BANK1: variants seen among roughly 807,000 people sequenced by gnomAD.
BANK1 encodes B cell scaffold protein with ankyrin repeats 1, also known as B-cell scaffold protein with ankyrin repeats.
BANK1 carries 95 observed loss-of-function variants against 94.5 expected under a neutral mutation model. The ratio of observed to expected loss-of-function variants is 1.00; its 90% CI spans 0.85 to 1.19. BANK1 has a LOEUF of 1.19. Ranked by LOEUF, BANK1 falls within the 50% of genes most tolerant of loss-of-function variation. The probability of loss-of-function intolerance (pLI) is 0.00; values close to 1 mark genes in which losing one functional copy is unlikely to be tolerated. For synonymous variants in BANK1, 334 were observed against 308.4 expected (o/e 1.08, Z -0.87); for missense variants, 987 against 932.2 (o/e 1.06, Z -0.77).
chr4:101,864,400 A>G (rs901336619), intron 4 of BANK1, among the ~76,000 whole-genome samples: 1 of 152,224 alleles, frequency 6.6e-6, no homozygotes, highest in Non-Finnish European at 1.5e-5. Context: ...ATGACCCAGT[A>G]CATATGCACA....
intron 7 of BANK1, among the ~76,000 whole-genome samples, chr4:101,937,141 C>T (rs909121547): frequency 1.3e-5 from 2 of 151,700 alleles, no homozygotes; most frequent in Non-Finnish European, 3.0e-5. Context: ...GCAGTCCTGT[C>T]ATTTGCAACA....
chr4:101,909,752 T>C (rs1233790255), intron 6 of BANK1, among the ~76,000 whole-genome samples: 1 of 152,190 alleles, frequency 6.6e-6, no homozygotes, highest in Non-Finnish European at 1.5e-5. Context: ...ACAACATATA[T>C]AAAAATATCA....
chr4:101,998,110 C>T lies in BANK1; in HGVS notation c.1207-23404C>T, dbSNP rs186531359. Among the ~76,000 whole-genome samples, 272 of 152,172 alleles carry T rather than the reference C, an allele frequency of 1.8e-3. 2 individuals are homozygous for T. The highest frequency in any genetic ancestry group is 6.4e-3 in the African/African-American group (267 of 41,542). On this transcript the variant is annotated intron_variant, in intron 7 of 16. Coordinates refer to ENST00000322953, the MANE Select transcript of BANK1 (RefSeq NM_017935.5). ...TACTTGTTTCCCAGACATTTTGGTA[C>T]ATTGTTTCTTTGTTCCCATTGGTTT...
chr4:102,055,426 T>C (rs1325314714), intron 11 of BANK1, among the ~76,000 whole-genome samples: 1 of 151,998 alleles, frequency 6.6e-6, no homozygotes, highest in Non-Finnish European at 1.5e-5. Context: ...GTGTTAGGGA[T>C]AGAAACAAGA....
intron 7 of BANK1, among the ~76,000 whole-genome samples, chr4:101,921,763 T>C (rs1323498700): frequency 1.3e-5 from 2 of 151,946 alleles, no homozygotes; most frequent in African/African-American, 4.8e-5. Context: ...ACTTGTAGTT[T>C]GGTTTAAATA....
At chr4:101,826,610 T>G (rs1252064772) in intron 1 of BANK1, among the ~76,000 whole-genome samples, 5 of 151,972 alleles carry the variant, frequency 3.3e-5, no homozygotes, top group African/African-American at 1.2e-4. Context: ...AATACTGAAT[T>G]ATGGCATAAT....
At chr4:101,847,925 C>T (rs1727317595) in intron 2 of BANK1, among the ~76,000 whole-genome samples, 1 of 152,142 alleles carries the variant, frequency 6.6e-6, no homozygotes, top group African/African-American at 2.4e-5. Context: ...TAGAGAATTC[C>T]TTCTCCCTGT....
intron 6 of BANK1, 95 bp downstream of exon 6, chr4:101,895,505 G>T: frequency 1.4e-6 from 1 of 709,806 alleles, no homozygotes; most frequent in Non-Finnish European, 2.4e-6. Context: ...ATAGGTAGCT[G>T]CACTGCTGAT....
rs145442412 is a variant in BANK1, at chr4:101,840,785, CTG to C, written c.469+10589_469+10590del. 5.2e-3 allele frequency among the ~76,000 whole-genome samples: 798 copies of C among 152,282 alleles called. 15 individuals are homozygous for C. The East Asian group carries it at 0.061, about 12-fold the overall frequency. Reference sequence around the variant, plus strand: ...TTTCCCACTTCACACCTCTGTATTTCTGTGTGTGTGTCTTGAAATCCTCTAGC... The same window carrying C: ...TTTCCCACTTCACACCTCTGTATTTCTGTGTGTGTCTTGAAATCCTCTAGC... On this transcript the variant is annotated intron_variant, in intron 2 of 16. Coordinates refer to ENST00000322953, the MANE Select transcript of BANK1 (RefSeq NM_017935.5).
chr4:101,938,418 T>C (rs1488100643), intron 7 of BANK1, among the ~76,000 whole-genome samples: 1 of 151,488 alleles, frequency 6.6e-6, no homozygotes, highest in African/African-American at 2.4e-5. Context: ...TCAATAATAA[T>C]TGTACATTTC....
chr4:101,830,259 T>G, intron 2 of BANK1, 53 bp downstream of exon 2: 1 of 1,332,114 alleles, frequency 7.5e-7, no homozygotes, highest in Non-Finnish European at 9.9e-7. Context: ...TTTTTTTTTG[T>G]AATTAAAGAA....
intron 3 of BANK1, among the ~76,000 whole-genome samples, chr4:101,860,730 C>G (rs902576361): frequency 2.0e-5 from 3 of 152,092 alleles, no homozygotes; most frequent in Non-Finnish European, 4.4e-5. Flanking sequence ...CGCACCCGGC[C>G]CTGAGTGAGG....
At chr4:101,792,441 TTG>T (rs143434251) in intron 1 of BANK1, among the ~76,000 whole-genome samples, 3,814 of 136,742 alleles carry the variant, frequency 0.028, 200 homozygotes, top group Admixed American at 0.11. Context: ...ATCCAGTGGT[TTG>T]TGTGTGTGTG....
At position 101,931,564 on chromosome 4, in the gene BANK1, G is replaced by C. The variant is rs137858355; in HGVS notation, c.1206+13375G>C. Among the ~76,000 whole-genome samples the C allele has an allele frequency of 6.2e-3, 944 of 151,518 alleles. 15 individuals carry two copies. Among genetic ancestry groups the C allele is most frequent in the South Asian group, 0.04 (191 of 4,812 alleles). ...CAGCTGCAGATGTGGGGACTTACGA[G>C]TCTCCATAATTGCAAAAGTCAGTTC... On this transcript the variant is annotated intron_variant, in intron 7 of 16. Transcript: ENST00000322953.
intron 7 of BANK1, among the ~76,000 whole-genome samples, chr4:101,934,649 G>A (rs33973573): frequency 0.48 from 72,644 of 151,164 alleles, 17,752 homozygotes; most frequent in African/African-American, 0.55. Flanking sequence ...ACCATAGCTG[G>A]AACATAACCA....
At chr4:101,851,291 C>T (rs1727465926) in intron 2 of BANK1, among the ~76,000 whole-genome samples, 2 of 151,978 alleles carry the variant, frequency 1.3e-5, no homozygotes, top group South Asian at 4.1e-4. Context: ...GTCCTTAAGC[C>T]TTTTTCAGAG....
chr4:101,868,937 A>G (rs1728176099), intron 4 of BANK1, among the ~76,000 whole-genome samples: 3 of 151,912 alleles, frequency 2.0e-5, no homozygotes, highest in Admixed American at 1.3e-4. Context: ...AAGGCATCTC[A>G]TTGGAGGATT....
At chr4:101,843,327 GCC>G (rs1727128926) in intron 2 of BANK1, among the ~76,000 whole-genome samples, 1 of 152,010 alleles carries the variant, frequency 6.6e-6, no homozygotes, top group Non-Finnish European at 1.5e-5. Context: ...GTAAAATGGT[GCC>G]CCATAGTGCC....
chr4:101,964,980 T>G (rs1724699811), intron 7 of BANK1, among the ~76,000 whole-genome samples: 1 of 142,728 alleles, frequency 7.0e-6, no homozygotes, highest in South Asian at 2.3e-4. Context: ...GTGTTCTCAT[T>G]GTTCAATTCC....
Sources: gnomAD v4.1 joint callset for allele counts (sites outside exome capture counted in the v4.1 genomes callset) on GRCh38, gnomAD v4.1.1 for gene constraint, MANE v1.5 for transcripts, NCBI Gene and HGNC (gene_info 2026-07-23, HGNC 2026-07-21) for gene names.